The following ATP7B variants were observed in gnomAD, a reference collection of about 807,000 sequenced individuals.
The protein encoded by ATP7B is ATPase copper transporting beta.
In ATP7B, 113 loss-of-function variants were observed where a neutral mutation model predicts 118.9. The ratio of observed to expected loss-of-function variants is 0.95; its 90% CI spans 0.82 to 1.11. The LOEUF is 1.11. ATP7B is among the 50% of genes most tolerant of loss of function. The pLI is 0.00. For synonymous variants in ATP7B, 777 were observed against 727.4 expected, an observed-to-expected ratio of 1.07 and a Z score of -1.10; for missense variants, 1,867 against 1,871.4, an observed-to-expected ratio of 1.00 and a Z score of 0.04.
intron 14 of ATP7B, 147 bp downstream of exon 14, chr13:51,943,962 A>G (rs1399556163): frequency 9.1e-6 from 9 of 988,436 alleles, no homozygotes; most frequent in Non-Finnish European, 1.2e-5. Context: ...TGTGAGCCCT[A>G]TATCTCCGCC....
chr13:51,988,745 T>C (rs2140335615), intron 1 of ATP7B, among the ~76,000 whole-genome samples: 1 of 152,320 alleles, frequency 6.6e-6, no homozygotes. Flanking sequence ...GATGAGTTCA[T>C]GTTCTTTGCA....
rs1951787480 is a variant in ATP7B at position 51,970,535 on chromosome 13, T to C, written c.1500A>G (p.Ala500=). 6.2e-7 allele frequency: 1 copy of C among 1,614,202 alleles called. No homozygotes were observed. Among genetic ancestry groups the C allele is most frequent in the African/African-American group, 1.3e-5 (1 of 75,046 alleles). Residue 500 remains alanine, a synonymous_variant, in exon 3 of 21, where the codon GCA becomes GCG. Coordinates refer to ENST00000242839, the MANE Select transcript of ATP7B (RefSeq NM_000053.4). ...CFLQIKGMTC[A]SCVSNIERNL... is the part of the protein sequence containing the mutation. ...TCCTTTCTATGTTAGACACACAGGA[T>C]GCACAGGTCATGCCTTTGATCTGTA...
chr13:51,938,392 G>A (rs1291162985), intron 17 of ATP7B, among the ~76,000 whole-genome samples: 1 of 152,198 alleles, frequency 6.6e-6, no homozygotes, highest in East Asian at 1.9e-4. Flanking sequence ...GTAAGTGCCT[G>A]CTGAATAGAT....
At chr13:51,939,001 C>T in intron 17 of ATP7B, 50 bp downstream of exon 17, 1 of 1,614,148 alleles carries the variant, frequency 6.2e-7, no homozygotes, top group South Asian at 1.1e-5. Flanking sequence ...ACTTTTGTCT[C>T]TAACTGCTTT....
At chr13:51,984,204 T>C (rs1295329670) in intron 1 of ATP7B, among the ~76,000 whole-genome samples, 2 of 150,870 alleles carry the variant, frequency 1.3e-5, no homozygotes, top group Non-Finnish European at 3.0e-5. Flanking sequence ...GAATAATCAG[T>C]TTAGAGAGGA....
At position 51,946,368 on chromosome 13, in the gene ATP7B, G is replaced by A. The variant is rs746358240; in HGVS notation, c.2976C>T (p.Pro992=). Residue 992 remains proline, a synonymous_variant, in exon 13 of 21, where the codon CCC becomes CCT. Coordinates refer to ENST00000242839, the MANE Select transcript of ATP7B (RefSeq NM_000053.4). The stretch of plus-strand genomic sequence containing the variant: ...CCCCGGTGCCCACCATGACAGCCGT[G>A]GGCGTGGCCAGCCCCAGGGAGCAGG... ...ACPCSLGLAT[P]TAVMVGTGVA... is the part of the protein sequence containing the mutation. The A allele has an allele frequency of 5.0e-6, 8 of 1,613,462 alleles. No homozygotes were observed. The South Asian group carries it at 8.8e-5, about 18-fold the overall frequency.
intron 15 of ATP7B, 108 bp from the exon 16 acceptor site, chr13:51,941,332 CTG>C: frequency 7.1e-7 from 1 of 1,409,082 alleles, no homozygotes; most frequent in Non-Finnish European, 9.9e-7. Context: ...TTCTGAAAAA[CTG>C]TAACCTTGTA....
intron 6 of ATP7B, among the ~76,000 whole-genome samples, chr13:51,960,659 T>C (rs986236189): frequency 2.8e-4 from 43 of 152,236 alleles, no homozygotes; most frequent in Admixed American, 2.6e-3. Flanking sequence ...CCTCGGCCTA[T>C]GGTTGCCTAT....
At chr13:52,004,073 C>A (rs1046240951) in intron 1 of ATP7B, among the ~76,000 whole-genome samples, 1 of 152,082 alleles carries the variant, frequency 6.6e-6, no homozygotes, top group African/African-American at 2.4e-5. Context: ...GCCTGGCCAA[C>A]ATGGTGAAAC....
At chr13:51,979,801 A>G (rs1026159353) in intron 1 of ATP7B, among the ~76,000 whole-genome samples, 2 of 152,206 alleles carry the variant, frequency 1.3e-5, no homozygotes, top group Non-Finnish European at 2.9e-5. Flanking sequence ...CTTAATTTCT[A>G]GAATGTTGAT....
chr13:51,974,749 A>G lies in ATP7B; in HGVS notation c.471T>C (p.Cys157=), dbSNP rs748497024. 1.5e-5 allele frequency: 25 copies of G among 1,614,166 alleles called. No homozygotes were observed. Among genetic ancestry groups the G allele is most frequent in the Non-Finnish European group, 2.0e-5 (24 of 1,180,026 alleles). The change falls in exon 2 of 21, where the codon TGT becomes TGC. Residue 157 remains cysteine (C), a synonymous_variant. Transcript: ENST00000242839. ...LRVEGMTCQS[C]VSSIEGKVRK... is the part of the protein sequence containing the mutation. ...GGACCTTGCCTTCAATGGAGCTGACACAGGACTGGCAGGTCATGCCCTCCA... is the reference window on the plus strand; with the variant it reads ...GGACCTTGCCTTCAATGGAGCTGACGCAGGACTGGCAGGTCATGCCCTCCA...
chr13:52,011,529 C>A (rs948964088), upstream of ATP7B: 7 of 689,602 alleles, frequency 1.0e-5, no homozygotes, highest in Non-Finnish European at 1.8e-5. Context: ...AAGCCGCAGC[C>A]CTCTTCACAC....
At chr13:52,004,840 C>T (rs1320892164) in intron 1 of ATP7B, among the ~76,000 whole-genome samples, 6 of 152,120 alleles carry the variant, frequency 3.9e-5, no homozygotes, top group East Asian at 1.9e-4. Context: ...GCCTGGGCCC[C>T]GGGTTCTCCA....
chr13:51,995,927 T>C (rs553424087), intron 1 of ATP7B, among the ~76,000 whole-genome samples: 2 of 152,298 alleles, frequency 1.3e-5, no homozygotes, highest in East Asian at 3.9e-4. Flanking sequence ...ATGTAATCAC[T>C]TGCCAGAGTG....
intron 9 of ATP7B, among the ~76,000 whole-genome samples, chr13:51,956,974 T>C (rs1291464230): frequency 2.0e-5 from 3 of 152,120 alleles, no homozygotes; most frequent in African/African-American, 7.2e-5. Context: ...TTAAGAGTAA[T>C]AATAGTCCCT....
chr13:51,943,788 G>A (rs942982373), intron 14 of ATP7B, among the ~76,000 whole-genome samples: 8 of 152,050 alleles, frequency 5.3e-5, no homozygotes, highest in African/African-American at 1.7e-4. Context: ...TCAAAGCACT[G>A]AGTTTCCAGA....
chr13:51,995,191 C>T, intron 1 of ATP7B: 1 of 684,074 alleles, frequency 1.5e-6, no homozygotes, highest in Middle Eastern at 7.4e-4. Flanking sequence ...TACATTCACA[C>T]TCTCATTCCG....
intron 1 of ATP7B, among the ~76,000 whole-genome samples, chr13:51,995,900 G>A (rs1277588193): frequency 6.6e-6 from 1 of 152,188 alleles, no homozygotes; most frequent in Non-Finnish European, 1.5e-5. Context: ...CCCGGCCAAG[G>A]TGTCCATGAG....
At chr13:51,997,564 G>T (rs1317164549) in intron 1 of ATP7B, among the ~76,000 whole-genome samples, 4 of 152,200 alleles carry the variant, frequency 2.6e-5, no homozygotes, top group African/African-American at 4.8e-5. Context: ...GCTGGGGCCA[G>T]GTTAGAAAGG....
Sources: gnomAD v4.1 joint callset for allele counts (sites outside exome capture counted in the v4.1 genomes callset) on GRCh38, gnomAD v4.1.1 for gene constraint, MANE v1.5 for transcripts, NCBI Gene and HGNC (gene_info 2026-07-23, HGNC 2026-07-21) for gene names.